The following PCDHAC1 variants were observed in gnomAD, a reference collection of about 807,000 sequenced individuals.
The protein encoded by PCDHAC1 is protocadherin alpha subfamily C, 1, also known as protocadherin alpha-C1.
A neutral mutation model predicts 60.0 loss-of-function variants in PCDHAC1; 42 were observed. That is an observed-to-expected ratio of 0.70 (90% CI 0.55 to 0.90). The LOEUF (loss-of-function observed/expected upper bound fraction) is 0.90. Ranked by LOEUF, PCDHAC1 falls within the 40% of genes least tolerant of loss-of-function variation. PCDHAC1 has a pLI of 0.00. For missense variants in PCDHAC1, 1,160 were observed against 1,222.3 expected, an observed-to-expected ratio of 0.95 and a Z score of 0.76; for synonymous variants, 468 against 499.3, an observed-to-expected ratio of 0.94 and a Z score of 0.84.
intron 1 of PCDHAC1, among the ~76,000 whole-genome samples, chr5:140,952,764 G>A (rs1554220603): frequency 6.6e-6 from 1 of 152,116 alleles, no homozygotes; most frequent in Non-Finnish European, 1.5e-5. Flanking sequence ...CCTGAGACTG[G>A]ATAATTTAGA....
At chr5:140,982,025 C>A (rs1191670248) in intron 2 of PCDHAC1, among the ~76,000 whole-genome samples, 1 of 152,180 alleles carries the variant, frequency 6.6e-6, no homozygotes, top group Non-Finnish European at 1.5e-5. Flanking sequence ...CAAATTGGAA[C>A]AATACTCCAA....
chr5:141,006,620 T>C (rs1237251555), intron 3 of PCDHAC1, among the ~76,000 whole-genome samples: 3 of 152,148 alleles, frequency 2.0e-5, no homozygotes, highest in Admixed American at 6.5e-5. Context: ...ATAAGGAGAC[T>C]ATTGCTGCAA....
rs782285182 is a variant in PCDHAC1, at chr5:140,928,406, G to A, written c.1514G>A (p.Gly505Glu). 6.2e-7 allele frequency: 1 copy of A among 1,614,050 alleles called. No homozygotes were observed. Among genetic ancestry groups the A allele is most frequent in the South Asian group, 1.1e-5 (1 of 91,084 alleles). The change falls in exon 1 of 4, where the codon GGG (glycine) becomes GAG (glutamate). Residue 505 changes from glycine to glutamate, a missense_variant. By Grantham distance (98) the Gly-to-Glu change is moderately conservative. Coordinates refer to ENST00000253807, the MANE Select transcript of PCDHAC1 (RefSeq NM_018898.5). ...SSLLAVESSS[G>E]AITAKTSFDF... The stretch of plus-strand genomic sequence containing the variant: ...TTGCTGGCAGTGGAATCATCCAGTG[G>A]GGCCATCACTGCCAAAACTTCCTTT...
chr5:141,010,285 C>G lies in PCDHAC1; in HGVS notation c.*348C>G, dbSNP rs1214485732. ...CTCCGGGGATCCTGTCTTGATGACA[C>G]TTGCAGGGCAGGCTGAAAAGTTTTG... On this transcript the variant is annotated 3_prime_UTR_variant, in exon 4 of 4. Transcript: ENST00000253807. 1.3e-6 allele frequency: 2 copies of G among 1,550,576 alleles called. No individual in the cohort carries two copies. Among genetic ancestry groups the G allele is most frequent in the Non-Finnish European group, 1.7e-6 (2 of 1,146,690 alleles).
At chr5:140,999,836 A>G (rs1554257003) in intron 3 of PCDHAC1, among the ~76,000 whole-genome samples, 1 of 152,210 alleles carries the variant, frequency 6.6e-6, no homozygotes, top group African/African-American at 2.4e-5. Flanking sequence ...AAAATATGCC[A>G]AGTGTATTTA....
chr5:140,946,277 A>G (rs1055326524), intron 1 of PCDHAC1, among the ~76,000 whole-genome samples: 5 of 152,186 alleles, frequency 3.3e-5, no homozygotes, highest in Admixed American at 1.3e-4. Context: ...TAAAACCCCA[A>G]TGAGATATCA....
At chr5:140,980,856 G>A (rs559833499) in intron 2 of PCDHAC1, among the ~76,000 whole-genome samples, 2 of 152,004 alleles carry the variant, frequency 1.3e-5, no homozygotes, top group African/African-American at 2.4e-5. Context: ...AATCTTTTTC[G>A]TATGTGTGCT....
At chr5:140,938,849 T>C (rs961236945) in intron 1 of PCDHAC1, among the ~76,000 whole-genome samples, 1 of 152,102 alleles carries the variant, frequency 6.6e-6, no homozygotes, top group Admixed American at 6.6e-5. Flanking sequence ...CCTGCCCATG[T>C]ACCCCTGAAC....
At chr5:141,009,389 G>A (rs1234679148) in intron 3 of PCDHAC1, among the ~76,000 whole-genome samples, 1 of 152,178 alleles carries the variant, frequency 6.6e-6, no homozygotes, top group Non-Finnish European at 1.5e-5. Context: ...AGCACAGGAG[G>A]TCGAGGCTGC....
chr5:140,926,801 C>T lies in PCDHAC1; in HGVS notation c.-92C>T. ...TGACGGCCGGCAGGAGCGTGCTCTTCCCCGCGGCTCGTGCTCTCCAGGAGT... is the reference window on the plus strand; with the variant it reads ...TGACGGCCGGCAGGAGCGTGCTCTTTCCCGCGGCTCGTGCTCTCCAGGAGT... On this transcript the variant is annotated 5_prime_UTR_variant, in exon 1 of 4. Coordinates refer to ENST00000253807, the MANE Select transcript of PCDHAC1 (RefSeq NM_018898.5). 1.4e-6 allele frequency: 2 copies of T among 1,451,506 alleles called. No individual in the cohort carries two copies. Among genetic ancestry groups the T allele is most frequent in the Non-Finnish European group, 9.0e-7 (1 of 1,105,980 alleles). 89.9% of individuals were successfully genotyped at this position (1,451,506 alleles called of 1,614,324 possible).
At chr5:140,986,852 A>G (rs889945842) in intron 3 of PCDHAC1, among the ~76,000 whole-genome samples, 1 of 152,190 alleles carries the variant, frequency 6.6e-6, no homozygotes, top group Admixed American at 6.5e-5. Flanking sequence ...CAGCAACACC[A>G]ACAATACCCG....
intron 3 of PCDHAC1, among the ~76,000 whole-genome samples, chr5:141,003,476 C>G (rs555987176): frequency 1.3e-3 from 191 of 152,130 alleles, no homozygotes; most frequent in African/African-American, 4.3e-3. Context: ...CACAGTCTCG[C>G]TAATTTTTAT....
chr5:140,995,787 T>C (rs2097697894), intron 3 of PCDHAC1, among the ~76,000 whole-genome samples: 1 of 152,152 alleles, frequency 6.6e-6, no homozygotes, highest in Non-Finnish European at 1.5e-5. Context: ...AGGTTTAAAA[T>C]TTGTCTCATG....
intron 1 of PCDHAC1, among the ~76,000 whole-genome samples, chr5:140,944,016 A>G (rs2093596830): frequency 6.6e-6 from 1 of 152,182 alleles, no homozygotes; most frequent in Non-Finnish European, 1.5e-5. Flanking sequence ...CCCAAAAGCA[A>G]TTATCTTCAA....
chr5:140,976,982 T>G (rs1348911349), intron 1 of PCDHAC1, among the ~76,000 whole-genome samples: 1 of 152,240 alleles, frequency 6.6e-6, no homozygotes, highest in African/African-American at 2.4e-5. Flanking sequence ...CTGCCTGATC[T>G]TACTGCCATA....
chr5:140,946,156 T>G (rs138161459), intron 1 of PCDHAC1, among the ~76,000 whole-genome samples: 1 of 151,944 alleles, frequency 6.6e-6, no homozygotes, highest in Non-Finnish European at 1.5e-5. Flanking sequence ...TAACACGATT[T>G]AAAAGATGGG....
Position 140,985,739 on chromosome 5 carries a change from C to CTT in PCDHAC1, c.2581+3195_2581+3196dup, listed in dbSNP as rs11372071. 6.5e-3 allele frequency among the ~76,000 whole-genome samples: 761 copies of CTT among 117,902 alleles called. 21 individuals carry two copies. The highest frequency in any genetic ancestry group is 0.054 in the East Asian group (218 of 4,012). The allele number at this position is 117,902 out of a possible 152,430, so 77.3% of individuals were successfully genotyped here. On this transcript the variant is annotated intron_variant, in intron 3 of 3. Transcript: ENST00000253807. ...TTATTTTTCCTTCACTGATGAATTC[C>CTT]TTTTTTTTTTTTTTTTTTTTGAGAC...
At chr5:141,003,543 C>T (rs2098129407) in intron 3 of PCDHAC1, among the ~76,000 whole-genome samples, 1 of 152,108 alleles carries the variant, frequency 6.6e-6, no homozygotes, top group Non-Finnish European at 1.5e-5. Context: ...GAACTCCTGG[C>T]TTCAAGTGAT....
intron 1 of PCDHAC1, among the ~76,000 whole-genome samples, chr5:140,975,268 G>C (rs1054634006): frequency 6.6e-6 from 1 of 152,102 alleles, no homozygotes; most frequent in African/African-American, 2.4e-5. Flanking sequence ...TCTGATTTCT[G>C]TCTCTGACCT....
Sources: allele counts gnomAD v4.1 joint callset (sites outside exome capture counted in the v4.1 genomes callset), GRCh38; gene constraint gnomAD v4.1.1; transcripts MANE v1.5; gene names NCBI Gene and HGNC (gene_info 2026-07-23, HGNC 2026-07-21).